Variants in MYH16 observed in about 807,000 individuals in gnomAD.
MYH16 encodes the protein myosin heavy chain 16, also known as putative uncharacterized protein MYH16.
exon 35 of MYH16, chr7:99,297,755 G>A (rs776096991): frequency 1.8e-5 from 8 of 456,544 alleles, no homozygotes; most frequent in South Asian, 6.2e-5. Context: ...GGAAAAGGAA[G>A]AACTCCAGGT....
intron 1 of MYH16, among the ~76,000 whole-genome samples, chr7:99,239,798 C>T (rs140703526): frequency 6.6e-6 from 1 of 152,152 alleles, no homozygotes; most frequent in Non-Finnish European, 1.5e-5. Flanking sequence ...GACACTTCCC[C>T]CCAGACAGCT....
chr7:99,282,406 A>G (rs1346244502), intron 23 of MYH16, among the ~76,000 whole-genome samples: 1 of 152,098 alleles, frequency 6.6e-6, no homozygotes, highest in Non-Finnish European at 1.5e-5. Context: ...GCAAATATGA[A>G]CCACTGCTCC....
chr7:99,238,921 C>G (rs1360760332), exon 1 of MYH16: 1 of 152,858 alleles, frequency 6.5e-6, no homozygotes, highest in Non-Finnish European at 1.5e-5. Flanking sequence ...AAGCCATGAA[C>G]AAGCCCTATG....
chr7:99,309,964 G>C (rs1045813945), downstream of MYH16, among the ~76,000 whole-genome samples: 12 of 152,012 alleles, frequency 7.9e-5, no homozygotes, highest in African/African-American at 2.9e-4. Flanking sequence ...AGAGGTTGCA[G>C]TGAGCCGAGA....
chr7:99,263,139 C>T (rs1791953886), intron 13 of MYH16, among the ~76,000 whole-genome samples: 1 of 152,140 alleles, frequency 6.6e-6, no homozygotes, highest in Non-Finnish European at 1.5e-5. Flanking sequence ...GAGCCTCCAA[C>T]TCAGATGGGG....
chr7:99,289,828 G>A (rs1408354948), intron 30 of MYH16, among the ~76,000 whole-genome samples: 1 of 152,116 alleles, frequency 6.6e-6, no homozygotes, highest in African/African-American at 2.4e-5. Context: ...GAAAAGAAAC[G>A]CTAAAATAAC....
rs559525001 is a variant in MYH16, at chr7:99,297,938, T to A, written n.4683T>A. Reference sequence around the variant, plus strand: ...CGAATTCAGTTGGAACTGGCTCAGGTTAAAGCTGACATCGACCGAAGAATC... The same window carrying A: ...CGAATTCAGTTGGAACTGGCTCAGGATAAAGCTGACATCGACCGAAGAATC... On this transcript the variant is annotated non_coding_transcript_exon_variant, in exon 36 of 42. Transcript: ENST00000439784. 519 of 456,612 alleles carry A rather than the reference T, an allele frequency of 1.1e-3. 7 individuals are homozygous for A. The highest frequency in any genetic ancestry group is 7.8e-3 in the South Asian group (504 of 64,564). The allele number at this position is 456,612 out of a possible 1,614,324, so 28.3% of individuals were successfully genotyped here. A position where few individuals can be genotyped will look rare whatever the true frequency, so the allele number is the denominator to read the frequency against.
chr7:99,281,234 G>C (rs1186227712), intron 23 of MYH16, among the ~76,000 whole-genome samples: 2 of 152,162 alleles, frequency 1.3e-5, no homozygotes, highest in African/African-American at 4.8e-5. Flanking sequence ...AACTAGGACA[G>C]TTTTGAGAGC....
intron 34 of MYH16, among the ~76,000 whole-genome samples, chr7:99,297,232 G>A (rs1026223149): frequency 1.3e-5 from 2 of 151,836 alleles, no homozygotes; most frequent in Non-Finnish European, 2.9e-5. Flanking sequence ...AGGAGTTCAA[G>A]ACCAGCCTGA....
chr7:99,259,545 G>A (rs1006782077), intron 11 of MYH16, among the ~76,000 whole-genome samples: 4 of 151,646 alleles, frequency 2.6e-5, no homozygotes, highest in Non-Finnish European at 5.9e-5. Flanking sequence ...TGCAACCTCC[G>A]CCTCCAGGGT....
exon 8 of MYH16, chr7:99,253,825 G>C (rs1453169830): frequency 5.1e-6 from 1 of 196,054 alleles, no homozygotes; most frequent in East Asian, 1.2e-4. Flanking sequence ...TGAACTTGTT[G>C]GTAAAGACCT....
chr7:99,279,017 C>G (rs1355479779), intron 21 of MYH16, among the ~76,000 whole-genome samples: 1 of 151,880 alleles, frequency 6.6e-6, no homozygotes, highest in Non-Finnish European at 1.5e-5. Flanking sequence ...CATAGTGAAA[C>G]CCCATCTCTA....
chr7:99,282,304 G>C (rs1034428357), intron 23 of MYH16, among the ~76,000 whole-genome samples: 2 of 152,088 alleles, frequency 1.3e-5, no homozygotes, highest in African/African-American at 4.8e-5. Context: ...GGGATTACAG[G>C]CGTGAGCCAC....
rs546572144 is a variant in MYH16, at chr7:99,273,482, C to T, written n.2485+59C>T. 160 of 455,104 alleles carry T rather than the reference C, an allele frequency of 3.5e-4. 3 individuals are homozygous for T. Among genetic ancestry groups the T allele is most frequent in the South Asian group, 2.4e-3 (156 of 64,424 alleles). 28.2% of individuals were successfully genotyped at this position (455,104 alleles called of 1,614,324 possible). On this transcript the variant is annotated intron_variant and non_coding_transcript_variant, in intron 20 of 41. Coordinates refer to ENST00000439784, the Ensembl canonical transcript of MYH16. The stretch of plus-strand genomic sequence containing the variant: ...CTGCTGCCTATGGGCTGGGGGAGGG[C>T]TTGATCCTGGACAGAGATGCCCCTC...
Position 99,252,265 on chromosome 7 carries a change from G to C in MYH16, n.730-548G>C, listed in dbSNP as rs191149876. ...CACCTGAGACGCCAACTTGAGAGGA[G>C]CAATGCCCTGGCCTCGTCTCCCTCA... On this transcript the variant is annotated intron_variant and non_coding_transcript_variant, in intron 6 of 41. Coordinates refer to ENST00000439784, the Ensembl canonical transcript of MYH16. Among the ~76,000 whole-genome samples, 11 of 152,230 alleles carry C rather than the reference G, an allele frequency of 7.2e-5. No individual in the cohort carries two copies. The East Asian group carries it at 1.9e-3, about 27-fold the overall frequency.
exon 25 of MYH16, chr7:99,283,939 G>C (rs928933151): frequency 9.0e-5 from 41 of 456,594 alleles, no homozygotes; most frequent in Non-Finnish European, 1.3e-4. Flanking sequence ...TCGGAAAGCT[G>C]AGAGTGACCT....
chr7:99,296,840 G>A (rs1203800277), exon 34 of MYH16: 5 of 457,310 alleles, frequency 1.1e-5, no homozygotes, highest in African/African-American at 8.0e-5. Flanking sequence ...ATGACAGAGA[G>A]CTTCAAGATC....
intron 9 of MYH16, among the ~76,000 whole-genome samples, chr7:99,256,157 T>C (rs1791869613): frequency 6.6e-6 from 1 of 151,010 alleles, no homozygotes; most frequent in Non-Finnish European, 1.5e-5. Flanking sequence ...ATAATAATAG[T>C]GCCAGGCACA....
intron 1 of MYH16, among the ~76,000 whole-genome samples, chr7:99,243,122 T>A (rs1385449792): frequency 2.0e-5 from 3 of 152,214 alleles, no homozygotes; most frequent in African/African-American, 4.8e-5. Context: ...TGCCTCCCCA[T>A]CCCAGGACAC....
Sources: gnomAD v4.1 joint callset for allele counts (sites outside exome capture counted in the v4.1 genomes callset) on GRCh38, gnomAD v4.1.1 for gene constraint, MANE v1.5 for transcripts, NCBI Gene and HGNC (gene_info 2026-07-23, HGNC 2026-07-21) for gene names.